The following TSHZ2 variants were observed in gnomAD, a reference collection of about 807,000 sequenced individuals.
TSHZ2 encodes the protein teashirt homolog 2.
Under a neutral mutation model 74.4 loss-of-function variants are expected in TSHZ2, and 21 were observed. That is an observed-to-expected ratio of 0.28 (90% CI 0.20 to 0.41). TSHZ2 has a LOEUF of 0.41. TSHZ2 is among the 10% of genes least tolerant of loss of function. The probability of loss-of-function intolerance (pLI) is 1.00; values close to 1 mark genes in which losing one functional copy is unlikely to be tolerated. For synonymous variants in TSHZ2, 540 were observed against 515.3 expected (o/e 1.05, Z -0.65); for missense variants, 1,244 against 1,293.5 (o/e 0.96, Z 0.59).
intron 1 of TSHZ2, among the ~76,000 whole-genome samples, chr20:53,004,822 A>G (rs1304053061): frequency 2.0e-5 from 3 of 152,228 alleles, no homozygotes; most frequent in African/African-American, 7.2e-5. Flanking sequence ...TTACTATAAG[A>G]TAGGCAATAT....
intron 2 of TSHZ2, among the ~76,000 whole-genome samples, chr20:53,448,442 C>T (rs1230607511): frequency 6.6e-6 from 1 of 152,048 alleles, no homozygotes; most frequent in East Asian, 1.9e-4. Flanking sequence ...ATCAGGGAGT[C>T]CTGAGGGTTG....
intron 2 of TSHZ2, among the ~76,000 whole-genome samples, chr20:53,309,452 A>G (rs1007789889): frequency 8.5e-5 from 13 of 152,214 alleles, no homozygotes; most frequent in African/African-American, 2.9e-4. Flanking sequence ...GAAAGAGAAG[A>G]GGAAAAGAAA....
chr20:53,117,781 G>A (rs2123341620), intron 1 of TSHZ2, among the ~76,000 whole-genome samples: 1 of 152,300 alleles, frequency 6.6e-6, no homozygotes, highest in South Asian at 2.1e-4. Context: ...TGCATTCAAG[G>A]CACCACTTGG....
chr20:53,469,756 GAT>G (rs1568932108), intron 2 of TSHZ2, among the ~76,000 whole-genome samples: 2 of 112,504 alleles, frequency 1.8e-5, no homozygotes, highest in African/African-American at 3.3e-5. Context: ...ACCCAAGAAA[GAT>G]AGAGAGGGAG....
At position 53,255,404 on chromosome 20, in the gene TSHZ2, G is replaced by A; in HGVS notation, c.1946G>A (p.Gly649Asp). 6.2e-7 allele frequency: 1 copy of A among 1,613,678 alleles called. No homozygotes were observed. Among genetic ancestry groups the A allele is most frequent in the Non-Finnish European group, 8.5e-7 (1 of 1,180,010 alleles). The change falls in exon 2 of 3, where the codon GGT becomes GAT. Residue 649 changes from glycine to aspartate, a missense_variant. Transcript: ENST00000371497. This position sits in a 1 kb window ranked among gnomAD's most constrained non-coding sequence, Gnocchi z 4.1. ...TPPEAKKTEL[G>D]PLKEEEKLMK... ...CCAGAAGCCAAAAAGACCGAGCTGG[G>A]TCCCCTGAAGGAGGAGGAGAAGCTG...
chr20:53,259,940 T>A (rs1990567733), intron 2 of TSHZ2, among the ~76,000 whole-genome samples: 1 of 152,216 alleles, frequency 6.6e-6, no homozygotes, highest in South Asian at 2.1e-4. Flanking sequence ...CTGGACAAAT[T>A]AATATCTATT....
intron 2 of TSHZ2, among the ~76,000 whole-genome samples, chr20:53,376,647 A>T (rs531115352): frequency 6.6e-6 from 1 of 152,264 alleles, no homozygotes; most frequent in South Asian, 2.1e-4. Context: ...CTCCACTCAT[A>T]TCTGGTATCT....
intron 1 of TSHZ2, among the ~76,000 whole-genome samples, chr20:53,053,441 A>C (rs1162654754): frequency 6.6e-6 from 1 of 152,186 alleles, no homozygotes; most frequent in Non-Finnish European, 1.5e-5. Flanking sequence ...GTCCTCTGTG[A>C]AAAGGTAGCC....
chr20:52,986,122 T>C lies in TSHZ2; in HGVS notation c.40+12789T>C, dbSNP rs530845693. On this transcript the variant is annotated intron_variant, in intron 1 of 2. Coordinates refer to ENST00000371497, the MANE Select transcript of TSHZ2 (RefSeq NM_173485.6). ...GAAATGAAATAATGGCCGGGCACAG[T>C]GGCTCACGCCTGTAATCCCAGCACT... Among the ~76,000 whole-genome samples, 10 of 152,238 alleles carry C rather than the reference T, an allele frequency of 6.6e-5. No homozygotes were observed. In the East Asian group the frequency reaches 1.7e-3, roughly 26 times the overall value.
At chr20:53,445,158 C>A (rs1287389020) in intron 2 of TSHZ2, among the ~76,000 whole-genome samples, 3 of 152,190 alleles carry the variant, frequency 2.0e-5, no homozygotes, top group Non-Finnish European at 2.9e-5. Context: ...CAGCAGCTAC[C>A]AATCCTGGAT....
intron 1 of TSHZ2, among the ~76,000 whole-genome samples, chr20:53,067,728 G>A (rs896389151): frequency 1.3e-5 from 2 of 152,178 alleles, no homozygotes; most frequent in Non-Finnish European, 2.9e-5. Context: ...TCACTTTCTT[G>A]CCTTTAAAAC....
intron 2 of TSHZ2, among the ~76,000 whole-genome samples, chr20:53,481,010 AT>A (rs1568936832): frequency 6.7e-6 from 1 of 150,068 alleles, no homozygotes; most frequent in South Asian, 2.1e-4. Flanking sequence ...ATTTATTTCC[AT>A]TTTATTTTTA....
chr20:53,405,778 T>C (rs927274255), intron 2 of TSHZ2, among the ~76,000 whole-genome samples: 2 of 152,128 alleles, frequency 1.3e-5, no homozygotes, highest in Non-Finnish European at 2.9e-5. Context: ...GGTGGATTGC[T>C]TGAGCTCAGG....
chr20:53,116,025 G>A (rs1194904406), intron 1 of TSHZ2, among the ~76,000 whole-genome samples: 1 of 152,144 alleles, frequency 6.6e-6, no homozygotes, highest in East Asian at 1.9e-4. Flanking sequence ...GACAGGTGAT[G>A]CAGTGAGAAA....
At chr20:53,010,461 G>C (rs1982809618) in intron 1 of TSHZ2, among the ~76,000 whole-genome samples, 1 of 152,138 alleles carries the variant, frequency 6.6e-6, no homozygotes, top group African/African-American at 2.4e-5. Context: ...TGACTCTGCT[G>C]TTCAGTGGTT....
intron 1 of TSHZ2, among the ~76,000 whole-genome samples, chr20:53,136,264 G>A (rs1035794783): frequency 2.6e-5 from 4 of 152,068 alleles, no homozygotes; most frequent in Non-Finnish European, 5.9e-5. Context: ...CCTCTTCAAC[G>A]CCCTACCTCT....
chr20:53,114,948 T>C (rs1600698056), intron 1 of TSHZ2, among the ~76,000 whole-genome samples: 1 of 152,022 alleles, frequency 6.6e-6, no homozygotes, highest in African/African-American at 2.4e-5. Flanking sequence ...AAAACTTGGG[T>C]TGGGTATCAC....
chr20:53,196,757 G>A (rs1163363720), intron 1 of TSHZ2, among the ~76,000 whole-genome samples: 1 of 152,184 alleles, frequency 6.6e-6, no homozygotes, highest in Non-Finnish European at 1.5e-5. Flanking sequence ...TAGAATTCCA[G>A]GTATTTCTAA....
At chr20:53,109,921 A>G (rs1200499063) in intron 1 of TSHZ2, among the ~76,000 whole-genome samples, 1 of 152,050 alleles carries the variant, frequency 6.6e-6, no homozygotes, top group African/African-American at 2.4e-5. Flanking sequence ...TCTCCTCTTT[A>G]CACTCAGAGA....
Sources: allele counts gnomAD v4.1 joint callset (sites outside exome capture counted in the v4.1 genomes callset), GRCh38; gene constraint gnomAD v4.1.1; non-coding constraint Gnocchi (gnomAD v3.1); transcripts MANE v1.5; gene names NCBI Gene and HGNC (gene_info 2026-07-23, HGNC 2026-07-21).